Variants in SLC10A7 observed in about 807,000 individuals in gnomAD.
SLC10A7 encodes sodium/bile acid cotransporter 7.
SLC10A7 carries 29 observed loss-of-function variants against 43.2 expected under a neutral mutation model. The observed-to-expected ratio is 0.67, with a 90% CI of 0.50 to 0.92. The LOEUF is 0.92. Among genes scored for constraint, SLC10A7 ranks in the 40% least tolerant of loss-of-function variants. SLC10A7 has a pLI of 0.00. For missense variants in SLC10A7, 295 were observed against 403.2 expected, an observed-to-expected ratio of 0.73 and a Z score of 2.30; for synonymous variants, 152 against 144.8, an observed-to-expected ratio of 1.05 and a Z score of -0.35.
intron 4 of SLC10A7, among the ~76,000 whole-genome samples, chr4:146,472,059 T>C (rs980195143): frequency 1.3e-5 from 2 of 152,088 alleles, no homozygotes; most frequent in Non-Finnish European, 2.9e-5. Context: ...GACATCTCAA[T>C]ACAAAATATA....
intron 4 of SLC10A7, among the ~76,000 whole-genome samples, chr4:146,468,216 C>A (rs1733225830): frequency 6.6e-6 from 1 of 152,146 alleles, no homozygotes; most frequent in African/African-American, 2.4e-5. Flanking sequence ...TCATGACAAT[C>A]AGTAGCACCA....
intron 5 of SLC10A7, among the ~76,000 whole-genome samples, chr4:146,337,528 T>G (rs751367689): frequency 6.6e-6 from 1 of 151,472 alleles, no homozygotes; most frequent in Non-Finnish European, 1.5e-5. Context: ...GCTTGTAGTA[T>G]TTCTTGCTTT....
At chr4:146,435,149 T>A (rs976641968) in intron 5 of SLC10A7, among the ~76,000 whole-genome samples, 2 of 152,236 alleles carry the variant, frequency 1.3e-5, no homozygotes, top group African/African-American at 2.4e-5. Context: ...ATGATTTTTT[T>A]ATTTCAAACT....
At chr4:146,350,760 C>T (rs1261416827) in intron 5 of SLC10A7, among the ~76,000 whole-genome samples, 1 of 92,028 alleles carries the variant, frequency 1.1e-5, no homozygotes, top group South Asian at 4.5e-4. Flanking sequence ...AGGCACCCCC[C>T]AGCAGGGGCA....
chr4:146,358,125 C>G (rs1182497006), intron 5 of SLC10A7, among the ~76,000 whole-genome samples: 1 of 151,492 alleles, frequency 6.6e-6, no homozygotes, highest in Non-Finnish European at 1.5e-5. Context: ...CAGAGGACAT[C>G]AAAGATAGAT....
chr4:146,414,209 C>T (rs1728406456), intron 5 of SLC10A7, among the ~76,000 whole-genome samples: 1 of 152,158 alleles, frequency 6.6e-6, no homozygotes, highest in African/African-American at 2.4e-5. Context: ...GACTAGGAAA[C>T]AACAGCATTG....
At chr4:146,370,536 A>T (rs1560842606) in intron 5 of SLC10A7, among the ~76,000 whole-genome samples, 1 of 152,164 alleles carries the variant, frequency 6.6e-6, no homozygotes, top group Non-Finnish European at 1.5e-5. Context: ...CCCTGAGCAG[A>T]TTGGGGAGGC....
At chr4:146,458,908 G>T (rs1447297639) in intron 4 of SLC10A7, among the ~76,000 whole-genome samples, 1 of 151,654 alleles carries the variant, frequency 6.6e-6, no homozygotes. Context: ...GAAAGAAAAT[G>T]CAAATAGATT....
Position 146,368,714 on chromosome 4 carries a change from A to T in SLC10A7, c.436-42718T>A, listed in dbSNP as rs78875465. Among the ~76,000 whole-genome samples the T allele has an allele frequency of 1.2e-3, 177 of 152,320 alleles. 1 individual carries two copies. The East Asian group carries it at 0.02, about 17-fold the overall frequency. ...ACATATTTTTATCAAGTGTATATTC[A>T]ATTTCTGTCACAAGTGAAAGTTCTC... On this transcript the variant is annotated intron_variant, in intron 5 of 11. Transcript: ENST00000335472.
At chr4:146,355,660 C>G (rs1426059306) in intron 5 of SLC10A7, among the ~76,000 whole-genome samples, 2 of 151,842 alleles carry the variant, frequency 1.3e-5, no homozygotes, top group Non-Finnish European at 2.9e-5. Flanking sequence ...CAATGATAGA[C>G]TGGATTAAGA....
At position 146,404,109 on chromosome 4, in the gene SLC10A7, C is replaced by T. The variant is rs1046537613; in HGVS notation, c.435+38674G>A. ...AGTGCAGTGGCATGCCTCCACCACC[C>T]GGGCTCAAGTGATCCTCCCACCTCA... On this transcript the variant is annotated intron_variant, in intron 5 of 11. Coordinates refer to ENST00000335472, the MANE Select transcript of SLC10A7 (RefSeq NM_001029998.6). 7.2e-5 allele frequency among the ~76,000 whole-genome samples: 11 copies of T among 152,232 alleles called. 1 individual carries two copies. The highest frequency in any genetic ancestry group is 2.4e-4 in the African/African-American group (10 of 41,536).
At chr4:146,432,006 T>A (rs764872285) in intron 5 of SLC10A7, among the ~76,000 whole-genome samples, 2 of 152,106 alleles carry the variant, frequency 1.3e-5, no homozygotes, top group African/African-American at 2.4e-5. Flanking sequence ...ACCAAAGATA[T>A]ACGGATGGCA....
At chr4:146,516,003 C>T (rs1737929870) in intron 2 of SLC10A7, among the ~76,000 whole-genome samples, 1 of 150,898 alleles carries the variant, frequency 6.6e-6, no homozygotes, top group Non-Finnish European at 1.5e-5. Context: ...ATATTTTTTC[C>T]ATGTTGCTAC....
At chr4:146,462,350 A>T (rs959331489) in intron 4 of SLC10A7, among the ~76,000 whole-genome samples, 4 of 152,146 alleles carry the variant, frequency 2.6e-5, no homozygotes, top group Non-Finnish European at 5.9e-5. Flanking sequence ...AACAATAAAT[A>T]TGGAAATAAA....
At chr4:146,378,510 G>A (rs1467771901) in intron 5 of SLC10A7, among the ~76,000 whole-genome samples, 2 of 152,130 alleles carry the variant, frequency 1.3e-5, no homozygotes, top group Non-Finnish European at 2.9e-5. Flanking sequence ...ATGATTTCAT[G>A]AATTTTCAGA....
In SLC10A7 at chr4:146,383,455, A is replaced by AT. The variant is rs74444564; in HGVS notation, c.436-57460dup. ...ATCTCATTTCATCCTCTTCATTTGCATAGAGCATACACCAAGTAAGCAATG... is the reference window on the plus strand; with the variant it reads ...ATCTCATTTCATCCTCTTCATTTGCATTAGAGCATACACCAAGTAAGCAATG... On this transcript the variant is annotated intron_variant, in intron 5 of 11. Transcript: ENST00000335472. Among the ~76,000 whole-genome samples, 175 of 152,318 alleles carry AT rather than the reference A, an allele frequency of 1.1e-3. 1 individual carries two copies. The East Asian group carries it at 0.02, about 17-fold the overall frequency.
At chr4:146,496,094 C>G (rs1177377518) in intron 4 of SLC10A7, among the ~76,000 whole-genome samples, 1 of 152,160 alleles carries the variant, frequency 6.6e-6, no homozygotes, top group South Asian at 2.1e-4. Flanking sequence ...GCTGACCTCA[C>G]TTGTGGTACA....
chr4:146,442,898 C>T (rs1051857261), intron 4 of SLC10A7, 77 bp from the exon 5 acceptor site: 1 of 1,024,898 alleles, frequency 9.8e-7, no homozygotes, highest in African/African-American at 1.7e-5. Flanking sequence ...TATCATTCTC[C>T]CCTCCCCCAC....
At position 146,256,230 on chromosome 4, in the gene SLC10A7, C is replaced by T. The variant is rs1399047734; in HGVS notation, c.*261G>A. The T allele has an allele frequency of 4.0e-6, 2 of 494,448 alleles. No individual in the cohort carries two copies. The highest frequency in any genetic ancestry group is 7.2e-6 in the Non-Finnish European group (2 of 275,864). 30.6% of individuals were successfully genotyped at this position (494,448 alleles called of 1,614,324 possible). On this transcript the variant is annotated 3_prime_UTR_variant, in exon 12 of 12. Coordinates refer to ENST00000335472, the MANE Select transcript of SLC10A7 (RefSeq NM_001029998.6). ...GGGAAAGCATGTTTGCTTTTTGTCA[C>T]TTACCATGACTGATTCCTGCATTAG...
Sources: gnomAD v4.1 joint callset for allele counts (sites outside exome capture counted in the v4.1 genomes callset) on GRCh38, gnomAD v4.1.1 for gene constraint, MANE v1.5 for transcripts, NCBI Gene and HGNC (gene_info 2026-07-23, HGNC 2026-07-21) for gene names.